The following ETV7 variants were observed in gnomAD, a reference collection of about 807,000 sequenced individuals.
ETV7 encodes the protein transcription factor ETV7.
In ETV7, 43 loss-of-function variants were observed where a neutral mutation model predicts 39.1. The observed-to-expected ratio is 1.10, with a 90% confidence interval of 0.86 to 1.42. The LOEUF (loss-of-function observed/expected upper bound fraction) is 1.42, where lower values mean the gene tolerates loss of function less well. Among genes scored for constraint, ETV7 ranks in the 40% most tolerant of loss-of-function variants. ETV7 has a pLI of 0.00. For missense variants in ETV7, 432 were observed against 442.3 expected (o/e 0.98, Z 0.21); for synonymous variants, 196 against 176.6 (o/e 1.11, Z -0.87).
intron 7 of ETV7, among the ~76,000 whole-genome samples, chr6:36,356,115 G>T (rs1344222444): frequency 6.6e-6 from 1 of 152,134 alleles, no homozygotes; most frequent in African/African-American, 2.4e-5. Flanking sequence ...GATTGTCAAA[G>T]AATTGAAGCA....
At chr6:36,360,583 T>A (rs1399827402) in intron 7 of ETV7, among the ~76,000 whole-genome samples, 2 of 151,856 alleles carry the variant, frequency 1.3e-5, no homozygotes, top group African/African-American at 4.8e-5. Flanking sequence ...AGAGTACACA[T>A]CTCCCCGTGA....
At chr6:36,364,781 C>T (rs546502970), downstream of ETV7, among the ~76,000 whole-genome samples, 9 of 152,344 alleles carry the variant, frequency 5.9e-5, no homozygotes, top group South Asian at 2.1e-4. Flanking sequence ...ACTGCCAGCA[C>T]GCTGTCATCT....
downstream of ETV7, among the ~76,000 whole-genome samples, chr6:36,363,989 G>T (rs1772621755): frequency 1.3e-5 from 2 of 151,514 alleles, no homozygotes; most frequent in African/African-American, 4.9e-5. Flanking sequence ...CACCAGAGCA[G>T]CTAGATACAG....
intron 2 of ETV7, among the ~76,000 whole-genome samples, chr6:36,377,353 G>A (rs931547086): frequency 2.0e-5 from 3 of 152,132 alleles, no homozygotes; most frequent in African/African-American, 7.2e-5. Flanking sequence ...TGTGGTCCCA[G>A]CTACTTGGGA....
At position 36,387,576 on chromosome 6, in the gene ETV7, T is replaced by A; in HGVS notation, c.-35A>T. 6.2e-7 allele frequency: 1 copy of A among 1,613,582 alleles called. No homozygotes were observed. The highest frequency in any genetic ancestry group is 8.5e-7 in the Non-Finnish European group (1 of 1,179,844). On this transcript the variant is annotated 5_prime_UTR_variant, in exon 1 of 8. Coordinates refer to ENST00000340181, the MANE Select transcript of ETV7 (RefSeq NM_016135.4). ...AGGTGAGGAAGCCACCGGCTTTCTG[T>A]CTTGAGCGCTCCCCTGGCTGTGGCT...
chr6:36,384,877 A>G (rs1264379233), intron 2 of ETV7, among the ~76,000 whole-genome samples: 4 of 152,028 alleles, frequency 2.6e-5, no homozygotes, highest in African/African-American at 9.7e-5. Flanking sequence ...CAAGAGTGAG[A>G]CTCCATCACA....
chr6:36,387,422 T>A, intron 1 of ETV7, 114 bp downstream of exon 1: 1 of 1,420,142 alleles, frequency 7.0e-7, no homozygotes, highest in Non-Finnish European at 9.9e-7. Context: ...AAAGAGAGAT[T>A]CCCGCCAGGT....
downstream of ETV7, among the ~76,000 whole-genome samples, chr6:36,363,125 G>A (rs562310661): frequency 1.1e-4 from 17 of 152,332 alleles, no homozygotes; most frequent in South Asian, 2.3e-3. Flanking sequence ...CTGGGGTGAG[G>A]AGGTGATAAT....
At chr6:36,387,334 G>T (rs1175742973) in intron 1 of ETV7, among the ~76,000 whole-genome samples, 1 of 152,216 alleles carries the variant, frequency 6.6e-6, no homozygotes, top group Non-Finnish European at 1.5e-5. Context: ...CACCGAGAGA[G>T]TCAGGGGCGG....
At chr6:36,379,246 A>G (rs1381349820) in intron 2 of ETV7, among the ~76,000 whole-genome samples, 1 of 152,248 alleles carries the variant, frequency 6.6e-6, no homozygotes, top group African/African-American at 2.4e-5. Flanking sequence ...TGAAAATTCA[A>G]AACTGTGATT....
At chr6:36,377,574 G>T (rs1773441102) in intron 2 of ETV7, among the ~76,000 whole-genome samples, 1 of 152,180 alleles carries the variant, frequency 6.6e-6, no homozygotes, top group South Asian at 2.1e-4. Context: ...AGAAGCAACT[G>T]TCCAAGGCCA....
intron 3 of ETV7, among the ~76,000 whole-genome samples, chr6:36,374,367 A>AT (rs1561909516): frequency 6.6e-6 from 1 of 151,858 alleles, no homozygotes. Flanking sequence ...AAAAAAAAAA[A>AT]GCCAGAATTG....
At chr6:36,358,366 CTTT>C (rs1772393442) in intron 7 of ETV7, among the ~76,000 whole-genome samples, 2 of 152,240 alleles carry the variant, frequency 1.3e-5, no homozygotes, top group Admixed American at 1.3e-4. Context: ...AGGTCTCCTG[CTTT>C]GTCAAAGGCC....
intron 5 of ETV7, among the ~76,000 whole-genome samples, chr6:36,370,574 A>G (rs564511842): frequency 6.6e-6 from 1 of 152,162 alleles, no homozygotes; most frequent in Non-Finnish European, 1.5e-5. Context: ...CTTCCTATCA[A>G]GTACTATGCT....
At chr6:36,375,242 C>T (rs1773259495) in intron 3 of ETV7, among the ~76,000 whole-genome samples, 1 of 152,054 alleles carries the variant, frequency 6.6e-6, no homozygotes, top group African/African-American at 2.4e-5. Flanking sequence ...GAAAAAGACA[C>T]CAAATCAGCA....
At chr6:36,363,095 C>A (rs1354516667), downstream of ETV7, among the ~76,000 whole-genome samples, 2 of 132,998 alleles carry the variant, frequency 1.5e-5, no homozygotes, top group Non-Finnish European at 3.1e-5. Flanking sequence ...GACAGTCCCT[C>A]CTAAGCCAGG....
intron 2 of ETV7, among the ~76,000 whole-genome samples, chr6:36,380,185 C>T (rs1193634245): frequency 3.9e-5 from 6 of 152,194 alleles, no homozygotes; most frequent in Non-Finnish European, 7.4e-5. Flanking sequence ...TTATCTAGGG[C>T]GTCAATCACC....
chr6:36,354,724 G>A (rs550266142), intron 7 of ETV7: 2 of 693,766 alleles, frequency 2.9e-6, no homozygotes, highest in Non-Finnish European at 5.2e-6. Flanking sequence ...AATTTTGATA[G>A]GGATTGCATT....
At chr6:36,374,862 G>A (rs1028265885) in intron 3 of ETV7, among the ~76,000 whole-genome samples, 5 of 152,140 alleles carry the variant, frequency 3.3e-5, no homozygotes, top group Non-Finnish European at 7.4e-5. Context: ...CTGAGGTTGG[G>A]AGTTTGAGAC....
Sources: allele counts gnomAD v4.1 joint callset (sites outside exome capture counted in the v4.1 genomes callset), GRCh38; gene constraint gnomAD v4.1.1; transcripts MANE v1.5; gene names NCBI Gene and HGNC (gene_info 2026-07-23, HGNC 2026-07-21).